The following NOS1 variants were observed in gnomAD, a reference collection of about 807,000 sequenced individuals.
The protein encoded by NOS1 is nitric oxide synthase 1, also known as NOS type I.
A neutral mutation model predicts 164.5 loss-of-function variants in NOS1; 51 were observed. The observed-to-expected ratio is 0.31, with a 90% confidence interval of 0.25 to 0.39. The LOEUF is 0.39. Among genes scored for constraint, NOS1 ranks in the 10% least tolerant of loss-of-function variants. NOS1 has a pLI of 1.00. For missense variants in NOS1, 1,362 were observed against 1,885.6 expected (o/e 0.72, Z 5.14); for synonymous variants, 719 against 745.8 (o/e 0.96, Z 0.59).
intron 18 of NOS1, among the ~76,000 whole-genome samples, chr12:117,247,082 C>T (rs1870672279): frequency 6.6e-6 from 1 of 152,104 alleles, no homozygotes; most frequent in Non-Finnish European, 1.5e-5. Flanking sequence ...GGCTTCCTCC[C>T]AGCCCTGACA....
At chr12:117,359,876 TTATATATATATA>T (rs56787288) in intron 1 of NOS1, among the ~76,000 whole-genome samples, 54 of 36,940 alleles carry the variant, frequency 1.5e-3, no homozygotes, top group South Asian at 2.2e-3. Flanking sequence ...AATAATGGTT[TTATATATATATA>T]TATATATATA....
At chr12:117,353,533 A>C (rs1408466338) in intron 1 of NOS1, among the ~76,000 whole-genome samples, 1 of 152,208 alleles carries the variant, frequency 6.6e-6, no homozygotes, top group Non-Finnish European at 1.5e-5. Flanking sequence ...CCAAATACTC[A>C]GTTAAGGTTG....
rs756133467 is a variant in NOS1, at chr12:117,263,987, G to A, written c.2137-13C>T. On this transcript the variant is annotated splice_polypyrimidine_tract_variant and intron_variant, in intron 12 of 28. Coordinates refer to ENST00000317775, the MANE Select transcript of NOS1 (RefSeq NM_000620.5). ...TCCAGGGATCAGGCTGGGAAGAGAA[G>A]GAGAGGGCTATGGTCACTCACTGCA... 2 of 1,611,308 alleles carry A rather than the reference G, an allele frequency of 1.2e-6. No individual in the cohort carries two copies. The highest frequency in any genetic ancestry group is 4.5e-5 in the East Asian group (2 of 44,838).
Position 117,208,948 on chromosome 12 carries a change from C to T in NOS1, c.*6361G>A, listed in dbSNP as rs1163339650. The T allele has an allele frequency of 2.4e-6, 2 of 840,580 alleles. No homozygotes were observed. Among genetic ancestry groups the T allele is most frequent in the Non-Finnish European group, 2.9e-6 (2 of 697,842 alleles). The allele number at this position is 840,580 out of a possible 1,614,324, so 52.1% of individuals were successfully genotyped here. ...ATGTTAGCCAGGTTGGTCTCTAACTCCCAGCCTCAAGTGATCTGCCAGCCT... is the reference window on the plus strand; with the variant it reads ...ATGTTAGCCAGGTTGGTCTCTAACTTCCAGCCTCAAGTGATCTGCCAGCCT... On this transcript the variant is annotated 3_prime_UTR_variant, in exon 29 of 29. Coordinates refer to ENST00000317775, the MANE Select transcript of NOS1 (RefSeq NM_000620.5).
rs1342940095 is a variant in NOS1 at position 117,234,761 on chromosome 12, G to A, written c.3042-3C>T. 3 of 1,604,134 alleles carry A rather than the reference G, an allele frequency of 1.9e-6. No homozygotes were observed. The highest frequency in any genetic ancestry group is 1.7e-5 in the Admixed American group (1 of 59,528). On this transcript the variant is annotated splice_region_variant and splice_polypyrimidine_tract_variant and intron_variant, in intron 20 of 28. Transcript: ENST00000317775. The surrounding 1 kb of genome is among the most constrained non-coding windows in gnomAD (Gnocchi z 4.3). ...GACGCACGAAGATAGTTGACCGACTGCAGGAAATTGCAGAGGAATCATAGG... is the reference window on the plus strand; with the variant it reads ...GACGCACGAAGATAGTTGACCGACTACAGGAAATTGCAGAGGAATCATAGG...
At chr12:117,351,430 T>G (rs1169727652) in intron 1 of NOS1, among the ~76,000 whole-genome samples, 1 of 152,198 alleles carries the variant, frequency 6.6e-6, no homozygotes, top group Non-Finnish European at 1.5e-5. Flanking sequence ...CCCTGAGTAC[T>G]TAAGCACCCC....
intron 3 of NOS1, among the ~76,000 whole-genome samples, chr12:117,298,299 C>T (rs9658313): frequency 6.6e-6 from 1 of 151,964 alleles, no homozygotes; most frequent in Non-Finnish European, 1.5e-5. Context: ...GAATCTAAGG[C>T]CACCACTGAT....
intron 3 of NOS1, among the ~76,000 whole-genome samples, chr12:117,306,071 C>T (rs1002667695): frequency 2.6e-5 from 4 of 151,984 alleles, no homozygotes; most frequent in African/African-American, 9.7e-5. Context: ...GGATTACAGT[C>T]GAGAACCACC....
chr12:117,328,138 GCTGC>G (rs1379456053), intron 2 of NOS1, among the ~76,000 whole-genome samples: 1 of 151,634 alleles, frequency 6.6e-6, no homozygotes, highest in African/African-American at 2.4e-5. Context: ...CCCCTAGAAA[GCTGC>G]CAGACTCCCT....
intron 2 of NOS1, among the ~76,000 whole-genome samples, chr12:117,323,326 C>G (rs1215511705): frequency 6.6e-6 from 1 of 152,192 alleles, no homozygotes. Context: ...TAGATGACAC[C>G]CAAGGCCTCA....
rs189175903 is a variant in NOS1, at chr12:117,256,304, A to G, written c.2531+2093T>C. Among the ~76,000 whole-genome samples, 28 of 52,534 alleles carry G rather than the reference A, an allele frequency of 5.3e-4. No homozygotes were observed. In the East Asian group the frequency reaches 0.02, roughly 37 times the overall value. 34.5% of individuals were successfully genotyped at this position (52,534 alleles called of 152,430 possible). ...TTTCTGTTTTTTTTTTTTGAGACGGAGTCTCACTCTGTCACCCAACCTGGA... is the reference window on the plus strand; with the variant it reads ...TTTCTGTTTTTTTTTTTTGAGACGGGGTCTCACTCTGTCACCCAACCTGGA... On this transcript the variant is annotated intron_variant, in intron 16 of 28. Transcript: ENST00000317775.
At chr12:117,317,231 T>C (rs1874708419) in intron 2 of NOS1, among the ~76,000 whole-genome samples, 1 of 151,926 alleles carries the variant, frequency 6.6e-6, no homozygotes, top group African/African-American at 2.4e-5. Flanking sequence ...CAGAAGGAGA[T>C]GGACAGGGCC....
In NOS1 at chr12:117,225,067, C is replaced by T. The variant is rs1243598920; in HGVS notation, c.3775G>A (p.Ala1259Thr). 6.8e-6 allele frequency: 11 copies of T among 1,614,076 alleles called. No individual in the cohort carries two copies. The Admixed American group carries it at 1.8e-4, about 27-fold the overall frequency. ...CILVGPGTGI[A>T]PFRSFWQQRQ... ...TGTTGCCAGAAGCTTCGGAAAGGGG[C>T]AATGCCGGTGCCTGGTCCAACGAGG... The change falls in exon 25 of 29, where the codon GCC becomes ACC. Residue 1259 changes from alanine to threonine, a missense_variant. Ala to Thr is a moderately conservative substitution (Grantham distance 58). Transcript: ENST00000317775.
At chr12:117,260,806 T>G (rs1813641539) in intron 13 of NOS1, among the ~76,000 whole-genome samples, 197 bp from the exon 14 acceptor site, 1 of 133,924 alleles carries the variant, frequency 7.5e-6, no homozygotes, top group Admixed American at 8.1e-5. Flanking sequence ...AAAGTATTAT[T>G]AAATCCTTTA....
chr12:117,343,842 T>C (rs1876223797), intron 1 of NOS1, among the ~76,000 whole-genome samples: 1 of 152,202 alleles, frequency 6.6e-6, no homozygotes, highest in Non-Finnish European at 1.5e-5. Context: ...TAAGAATAAC[T>C]ATTTTAAGAG....
In NOS1 at chr12:117,234,755, C is replaced by A. The variant is rs1414751252; in HGVS notation, c.3045G>T (p.Arg1015=). ...RQNLQSPKSS[R]STIFVRLHTN... is the part of the protein sequence containing the mutation. Reference sequence around the variant, plus strand: ...TGTGGAGACGCACGAAGATAGTTGACCGACTGCAGGAAATTGCAGAGGAAT... The same window carrying A: ...TGTGGAGACGCACGAAGATAGTTGAACGACTGCAGGAAATTGCAGAGGAAT... Residue 1015 remains arginine, a synonymous_variant, in exon 21 of 29, where the codon CGG becomes CGT. Coordinates refer to ENST00000317775, the MANE Select transcript of NOS1 (RefSeq NM_000620.5). The surrounding 1 kb of genome is among the most constrained non-coding windows in gnomAD (Gnocchi z 4.3). The A allele has an allele frequency of 1.2e-6, 2 of 1,606,936 alleles. No homozygotes were observed. Among genetic ancestry groups the A allele is most frequent in the Non-Finnish European group, 1.7e-6 (2 of 1,174,610 alleles).
intron 17 of NOS1, among the ~76,000 whole-genome samples, chr12:117,250,805 C>T (rs939027398): frequency 6.6e-6 from 1 of 152,172 alleles, no homozygotes; most frequent in Non-Finnish European, 1.5e-5. Context: ...CAGTGCAGAT[C>T]TGGGAACTTC....
Position 117,330,472 on chromosome 12 carries a change from C to G in NOS1, c.598G>C (p.Gly200Arg). ...KATRVSLQGRGENNELLKEIE... is the reference protein window; with the variant it reads ...KATRVSLQGRRENNELLKEIE... ...TCCTTGAGCAGTTCATTGTTCTCCC[C>G]TCTGCCTTGGAGGCTGACTCTGGTT... The change falls in exon 2 of 29, where the codon GGG becomes CGG. Residue 200 changes from glycine to arginine, a missense_variant. This residue lies in a region of NOS1 where 362 missense variants were observed against 402.0 expected (regional missense o/e 0.90). Coordinates refer to ENST00000317775, the MANE Select transcript of NOS1 (RefSeq NM_000620.5). The surrounding 1 kb of genome is among the most constrained non-coding windows in gnomAD (Gnocchi z 4.6). 6.2e-7 allele frequency: 1 copy of G among 1,614,228 alleles called. No individual in the cohort carries two copies. The highest frequency in any genetic ancestry group is 8.5e-7 in the Non-Finnish European group (1 of 1,180,044).
intron 1 of NOS1, among the ~76,000 whole-genome samples, chr12:117,337,104 CTCTTTTTTTTTT>C: frequency 1.1e-5 from 1 of 94,074 alleles, no homozygotes; most frequent in Admixed American, 1.3e-4. Context: ...CTGCTTTTTA[CTCTTTTTTTTTT>C]TTTTTTTTTT....
Sources: gnomAD v4.1 joint callset for allele counts (sites outside exome capture counted in the v4.1 genomes callset) on GRCh38, gnomAD v4.1.1 for gene constraint, gnomAD v4.1.1 regional missense constraint, Gnocchi (gnomAD v3.1) non-coding constraint, MANE v1.5 for transcripts, NCBI Gene and HGNC (gene_info 2026-07-23, HGNC 2026-07-21) for gene names.